Variants in RHOBTB1 observed in about 807,000 individuals in gnomAD.
The protein encoded by RHOBTB1 is rho-related BTB domain-containing protein 1.
A neutral mutation model predicts 71.6 loss-of-function variants in RHOBTB1; 40 were observed. The observed-to-expected ratio is 0.56, with a 90% CI of 0.43 to 0.73. The LOEUF (loss-of-function observed/expected upper bound fraction) is 0.73, where lower values mean the gene tolerates loss of function less well. RHOBTB1 is among the 30% of genes least tolerant of loss of function. The pLI is 0.00. For synonymous variants in RHOBTB1, 319 were observed against 334.9 expected (o/e 0.95, Z 0.52); for missense variants, 797 against 894.0 (o/e 0.89, Z 1.38).
chr10:60,877,779 A>G (rs772586528), intron 8 of RHOBTB1, 129 bp downstream of exon 8: 8 of 876,568 alleles, frequency 9.1e-6, no homozygotes, highest in Non-Finnish European at 1.4e-5. Context: ...AATTCATATC[A>G]TTCTACACAA....
At chr10:60,902,649 C>T (rs2082466618) in intron 4 of RHOBTB1, among the ~76,000 whole-genome samples, 1 of 152,158 alleles carries the variant, frequency 6.6e-6, no homozygotes, top group South Asian at 2.1e-4. Context: ...TCTCCTTTTT[C>T]TCCTGGGGGC....
chr10:60,960,387 G>A (rs1303131065), intron 2 of RHOBTB1, among the ~76,000 whole-genome samples: 1 of 152,160 alleles, frequency 6.6e-6, no homozygotes, highest in Non-Finnish European at 1.5e-5. Flanking sequence ...CTGACGTCTA[G>A]TCAGACATGT....
chr10:60,915,567 C>T (rs2083228278), intron 2 of RHOBTB1, among the ~76,000 whole-genome samples: 1 of 152,176 alleles, frequency 6.6e-6, no homozygotes, highest in South Asian at 2.1e-4. Context: ...GATGAATCCA[C>T]TTGCACAGTA....
At chr10:60,893,762 G>A (rs1005429707) in intron 4 of RHOBTB1, among the ~76,000 whole-genome samples, 4 of 152,186 alleles carry the variant, frequency 2.6e-5, no homozygotes, top group African/African-American at 7.2e-5. Context: ...TGACATAAGG[G>A]TCTTCCATTT....
chr10:60,968,817 G>A (rs2086058172), intron 2 of RHOBTB1, among the ~76,000 whole-genome samples: 1 of 152,068 alleles, frequency 6.6e-6, no homozygotes, highest in Non-Finnish European at 1.5e-5. Context: ...TCTACAGGAT[G>A]TTCGCCAAGG....
chr10:60,947,102 G>A (rs544409607), upstream of RHOBTB1, among the ~76,000 whole-genome samples: 26 of 152,220 alleles, frequency 1.7e-4, no homozygotes, highest in East Asian at 5.8e-4. Flanking sequence ...AGTACAGACC[G>A]TATTTTGCTA....
rs377069196 is a variant in RHOBTB1 at position 60,998,266 on chromosome 10, C to G, written c.-163+3133G>C. Among the ~76,000 whole-genome samples the G allele has an allele frequency of 5.9e-5, 9 of 152,290 alleles. No individual in the cohort carries two copies. The South Asian group carries it at 1.9e-3, about 32-fold the overall frequency. ...AGGAAGGGACAATATATTAGCCATT[C>G]ACACGTGTCTTTTATAAGAGATAAT... On this transcript the variant is annotated intron_variant, in intron 1 of 11. Transcript: ENST00000357917.
At chr10:60,971,533 C>T (rs2134677506) in intron 2 of RHOBTB1, among the ~76,000 whole-genome samples, 1 of 152,244 alleles carries the variant, frequency 6.6e-6, no homozygotes. Context: ...ACACCTTATA[C>T]AAAAATTACC....
chr10:60,918,783 G>A (rs111637879), intron 2 of RHOBTB1, among the ~76,000 whole-genome samples: 1,735 of 140,698 alleles, frequency 0.012, 36 homozygotes, highest in African/African-American at 0.043. Context: ...TTTCACTCTT[G>A]TTGCCAGGCT....
chr10:60,901,510 T>C (rs1372824423), intron 4 of RHOBTB1, among the ~76,000 whole-genome samples: 1 of 152,216 alleles, frequency 6.6e-6, no homozygotes, highest in Non-Finnish European at 1.5e-5. Flanking sequence ...ACCAGCTGTG[T>C]CCTTTATTGA....
At position 60,886,087 on chromosome 10, in the gene RHOBTB1, A is replaced by G. The variant is rs775561952; in HGVS notation, c.1575+25T>C. The G allele has an allele frequency of 3.1e-5, 47 of 1,512,962 alleles. No homozygotes were observed. The South Asian group carries it at 4.9e-4, about 16-fold the overall frequency. The allele number at this position is 1,512,962 out of a possible 1,614,324, so 93.7% of individuals were successfully genotyped here. A position where few individuals can be genotyped will look rare whatever the true frequency, so the allele number is the denominator to read the frequency against. On this transcript the variant is annotated intron_variant, in intron 7 of 10. Coordinates refer to ENST00000337910, the MANE Select transcript of RHOBTB1 (RefSeq NM_014836.5). Reference sequence around the variant, plus strand: ...GCACACATACATTCATAAAGACACCACTATGCTTTTAGGAAGGCACGTACC... The same window carrying G: ...GCACACATACATTCATAAAGACACCGCTATGCTTTTAGGAAGGCACGTACC...
rs775273962 is a variant in RHOBTB1 at position 60,888,686 on chromosome 10, C to A, written c.982G>T (p.Asp328Tyr). 1.2e-6 allele frequency: 2 copies of A among 1,614,034 alleles called. No homozygotes were observed. The highest frequency in any genetic ancestry group is 4.5e-5 in the East Asian group (2 of 44,888). Residue 328 changes from aspartate (D) to tyrosine (Y), a missense_variant, in exon 6 of 11, where the codon GAC becomes TAC. Physicochemically the swap from Asp to Tyr is radical, Grantham distance 160 (BLOSUM62 -3). This residue lies in a region of RHOBTB1 where 658 missense variants were observed against 681.5 expected (regional missense o/e 0.97). Coordinates refer to ENST00000337910, the MANE Select transcript of RHOBTB1 (RefSeq NM_014836.5). Reference sequence around the variant, plus strand: ...CCCTCCTCCCTTTCTTCCTCTGGGTCGACACTCAATATCCGCCCCTGGAAA... The same window carrying A: ...CCCTCCTCCCTTTCTTCCTCTGGGTAGACACTCAATATCCGCCCCTGGAAA... ...RDFQGRILSV[D>Y]PEEEREEGPP...
At chr10:60,936,027 T>G (rs763336981) in intron 2 of RHOBTB1, among the ~76,000 whole-genome samples, 13 of 152,236 alleles carry the variant, frequency 8.5e-5, no homozygotes, top group Non-Finnish European at 1.6e-4. Context: ...AGATTAAACT[T>G]TAAAGTGTGC....
rs1317475876 is a variant in RHOBTB1 at position 60,888,343 on chromosome 10, A to G, written c.1325T>C (p.Met442Thr). Residue 442 changes from methionine (M) to threonine (T), a missense_variant, in exon 6 of 11, where the codon ATG becomes ACG. Around this residue, in one of 2 missense-constraint regions of RHOBTB1, gnomAD observed 658 missense variants for 681.5 expected, o/e 0.97. Coordinates refer to ENST00000337910, the MANE Select transcript of RHOBTB1 (RefSeq NM_014836.5). The stretch of plus-strand genomic sequence containing the variant: ...TTCCACCATCATCCTCAAATCGAAC[A>G]TCTCGAGGACCTCTGCGATCTGAGC... ...GLAQIAEVLE[M>T]FDLRMMVENI... The G allele has an allele frequency of 6.2e-7, 1 of 1,614,104 alleles. No individual in the cohort carries two copies. Among genetic ancestry groups the G allele is most frequent in the South Asian group, 1.1e-5 (1 of 91,076 alleles).
intron 1 of RHOBTB1, among the ~76,000 whole-genome samples, chr10:60,995,912 C>T (rs2087032219): frequency 6.6e-6 from 1 of 152,062 alleles, no homozygotes; most frequent in Non-Finnish European, 1.5e-5. Context: ...TTAGGGGCAG[C>T]AGGAGCATAT....
intron 2 of RHOBTB1, among the ~76,000 whole-genome samples, chr10:60,971,220 A>C (rs2134672269): frequency 6.6e-6 from 1 of 152,262 alleles, no homozygotes; most frequent in African/African-American, 2.4e-5. Context: ...TAGCTGAAAA[A>C]GAGCCTATAT....
At chr10:60,945,372 G>C (rs1319076096), upstream of RHOBTB1, among the ~76,000 whole-genome samples, 2 of 152,162 alleles carry the variant, frequency 1.3e-5, no homozygotes, top group Non-Finnish European at 2.9e-5. Flanking sequence ...TGGCCTCACC[G>C]GTTCTCAGGT....
chr10:60,912,226 C>T (rs2083026273), intron 2 of RHOBTB1, among the ~76,000 whole-genome samples: 2 of 149,174 alleles, frequency 1.3e-5, no homozygotes, highest in African/African-American at 2.5e-5. Context: ...TATATATATA[C>T]ACACACACAT....
chr10:60,966,735 C>T (rs190975323), intron 2 of RHOBTB1, among the ~76,000 whole-genome samples: 4 of 150,890 alleles, frequency 2.7e-5, no homozygotes, highest in Admixed American at 1.3e-4. Flanking sequence ...ATGTGCACAA[C>T]GTGCAGGTTT....
Sources: allele counts gnomAD v4.1 joint callset (sites outside exome capture counted in the v4.1 genomes callset), GRCh38; gene constraint gnomAD v4.1.1; regional missense constraint gnomAD v4.1.1; transcripts MANE v1.5; gene names NCBI Gene and HGNC (gene_info 2026-07-23, HGNC 2026-07-21).